Variants in PTGR3 observed in about 807,000 individuals in gnomAD.
The protein encoded by PTGR3 is zinc binding alcohol dehydrogenase domain containing 2.
the PTGR3 span, chr18:75,198,742 C>G: frequency 3.9e-5 from 6 of 152,190 alleles, no homozygotes; most frequent in African/African-American, 1.4e-4. Flanking sequence ...TTAAGCCCGA[C>G]ATGCAGAGAA....
chr18:75,207,977 C>T, the PTGR3 span, among the ~76,000 whole-genome samples: 508 of 151,746 alleles, frequency 3.3e-3, 3 homozygotes, highest in Admixed American at 0.017. Flanking sequence ...CCAGTCAAGT[C>T]GGGCAGCCAG....
At chr18:75,196,032 G>T in the PTGR3 span, 7 of 152,080 alleles carry the variant, frequency 4.6e-5, no homozygotes, top group African/African-American at 1.7e-4. Context: ...CGGCATCTAG[G>T]GCAACCTCTC....
At chr18:75,206,371 T>G in the PTGR3 span, among the ~76,000 whole-genome samples, 1 of 152,166 alleles carries the variant, frequency 6.6e-6, no homozygotes, top group East Asian at 1.9e-4. Context: ...CAAACATCTT[T>G]CCCAACAAGG....
At chr18:75,206,145 A>T in the PTGR3 span, among the ~76,000 whole-genome samples, 7 of 152,228 alleles carry the variant, frequency 4.6e-5, no homozygotes, top group Non-Finnish European at 8.8e-5. Flanking sequence ...TAAGGTAAGA[A>T]CTGGATAAAG....
At chr18:75,204,527 G>A in the PTGR3 span, among the ~76,000 whole-genome samples, 26 of 152,290 alleles carry the variant, frequency 1.7e-4, no homozygotes, top group African/African-American at 6.0e-4. Context: ...AGCGGTGGCA[G>A]CAGACGCGCG....
At chr18:75,197,041 T>G in the PTGR3 span, 7 of 150,606 alleles carry the variant, frequency 4.6e-5, no homozygotes, top group Non-Finnish European at 1.0e-4. Context: ...TTTGTGTAAC[T>G]TTTTTTTTTC....
chr18:75,201,671 C>A, the PTGR3 span: 28 of 1,614,034 alleles, frequency 1.7e-5, no homozygotes, highest in Non-Finnish European at 2.4e-5. Context: ...ATTTCTTGAG[C>A]AGTTTGGCTG....
At chr18:75,201,921 G>A in the PTGR3 span, 3 of 1,614,186 alleles carry the variant, frequency 1.9e-6, no homozygotes, top group Non-Finnish European at 2.5e-6. Flanking sequence ...CAGAAAAGCA[G>A]ACTTTTCATC....
At chr18:75,202,129 T>C in the PTGR3 span, 5 of 1,613,906 alleles carry the variant, frequency 3.1e-6, no homozygotes, top group South Asian at 3.3e-5. Context: ...GGCACTGGAG[T>C]TGCAATGCTG....
At chr18:75,205,064 G>C in the PTGR3 span, 1 of 804,064 alleles carries the variant, frequency 1.2e-6, no homozygotes, top group South Asian at 5.6e-5. Flanking sequence ...CTCGCGCCGC[G>C]CTGTCTCCTT....
At chr18:75,204,695 C>A in the PTGR3 span, among the ~76,000 whole-genome samples, 4 of 152,110 alleles carry the variant, frequency 2.6e-5, no homozygotes, top group African/African-American at 7.2e-5. Flanking sequence ...GCCGGGACCG[C>A]GCAGGCCCGG....
the PTGR3 span, chr18:75,195,269 T>A: frequency 3.3e-5 from 5 of 152,262 alleles, no homozygotes; most frequent in African/African-American, 9.6e-5. Flanking sequence ...AATCAAATGA[T>A]CTGGAATCCT....
At chr18:75,203,117 C>T in the PTGR3 span, among the ~76,000 whole-genome samples, 1 of 152,170 alleles carries the variant, frequency 6.6e-6, no homozygotes, top group Non-Finnish European at 1.5e-5. Flanking sequence ...TATATTTTTC[C>T]TCAACAAGAA....
the PTGR3 span, among the ~76,000 whole-genome samples, chr18:75,205,676 C>G: frequency 3.3e-5 from 5 of 150,788 alleles, no homozygotes; most frequent in Admixed American, 1.3e-4. Flanking sequence ...GCCTTCAATA[C>G]TGGGAGACAA....
chr18:75,202,665 CAAA>C, the PTGR3 span, among the ~76,000 whole-genome samples: 2 of 79,084 alleles, frequency 2.5e-5, no homozygotes, highest in African/African-American at 3.7e-5. Context: ...TAGAAATAAG[CAAA>C]AAAAAAAAAA....
the PTGR3 span, chr18:75,197,671 G>T: frequency 6.6e-6 from 1 of 152,184 alleles, no homozygotes; most frequent in Non-Finnish European, 1.5e-5. Context: ...TTAATTCTGG[G>T]CCATAACTGG....
At chr18:75,203,769 A>G in the PTGR3 span, among the ~76,000 whole-genome samples, 2 of 151,714 alleles carry the variant, frequency 1.3e-5, no homozygotes, top group South Asian at 2.1e-4. Context: ...CCTACATTCT[A>G]TTTTTAGAGA....
the PTGR3 span, among the ~76,000 whole-genome samples, chr18:75,205,013 G>A: frequency 5.9e-5 from 9 of 152,210 alleles, no homozygotes; most frequent in African/African-American, 2.2e-4. Flanking sequence ...AGGAGGCTTA[G>A]GCTGGCTGAC....
At chr18:75,196,246 T>C in the PTGR3 span, 1 of 152,170 alleles carries the variant, frequency 6.6e-6, no homozygotes, top group Non-Finnish European at 1.5e-5. Flanking sequence ...GTTTTAATTA[T>C]TTTAATTTCA....
Sources: gnomAD v4.1 joint callset for allele counts (sites outside exome capture counted in the v4.1 genomes callset) on GRCh38, gnomAD v4.1.1 for gene constraint, MANE v1.5 for transcripts, NCBI Gene and HGNC (gene_info 2026-07-23, HGNC 2026-07-21) for gene names.